Variants in PRKG1 observed in about 807,000 individuals in gnomAD.
PRKG1 encodes the protein cGMP-dependent protein kinase 1.
Under a neutral mutation model 88.1 loss-of-function variants are expected in PRKG1, and 35 were observed. The ratio of observed to expected loss-of-function variants is 0.40; its 90% CI spans 0.30 to 0.53. The LOEUF (loss-of-function observed/expected upper bound fraction) is 0.53, where lower values mean the gene tolerates loss of function less well. PRKG1 is among the 20% of genes least tolerant of loss of function. PRKG1 has a pLI of 0.59. For missense variants in PRKG1, 540 were observed against 839.8 expected (o/e 0.64, Z 4.41); for synonymous variants, 303 against 292.5 (o/e 1.04, Z -0.37).
At chr10:51,248,474 C>T (rs935765723) in intron 2 of PRKG1, among the ~76,000 whole-genome samples, 6 of 151,758 alleles carry the variant, frequency 4.0e-5, no homozygotes, top group African/African-American at 1.4e-4. Flanking sequence ...ATATTATATT[C>T]AACTTCACAT....
At chr10:51,445,187 T>C (rs1164057741) in intron 2 of PRKG1, among the ~76,000 whole-genome samples, 1 of 151,892 alleles carries the variant, frequency 6.6e-6, no homozygotes, top group Non-Finnish European at 1.5e-5. Context: ...GACTACCATA[T>C]AGGAGAGCAC....
At chr10:51,128,912 C>T (rs1451681436) in intron 1 of PRKG1, among the ~76,000 whole-genome samples, 2 of 152,070 alleles carry the variant, frequency 1.3e-5, no homozygotes, top group African/African-American at 4.8e-5. Context: ...ACAATGAAAA[C>T]AAATATATTT....
Position 52,159,613 on chromosome 10 carries a change from GTT to G in PRKG1, c.1002-2273_1002-2272del, listed in dbSNP as rs559637593. 4.0e-5 allele frequency among the ~76,000 whole-genome samples: 6 copies of G among 151,746 alleles called. No individual in the cohort carries two copies. The East Asian group carries it at 1.2e-3, about 29-fold the overall frequency. On this transcript the variant is annotated intron_variant, in intron 8 of 17. Coordinates refer to ENST00000373980, the MANE Select transcript of PRKG1 (RefSeq NM_006258.4). ...TATTTTCAAAATAATATTTTGTGGAGTTTTAATCTAGCTTAGTAGGTTGAACA... is the reference window on the plus strand; with the variant it reads ...TATTTTCAAAATAATATTTTGTGGAGTTAATCTAGCTTAGTAGGTTGAACA...
At chr10:51,425,895 G>A (rs950733017) in intron 2 of PRKG1, among the ~76,000 whole-genome samples, 10 of 152,266 alleles carry the variant, frequency 6.6e-5, no homozygotes, top group South Asian at 2.1e-4. Flanking sequence ...TGGCAATTCC[G>A]TAGGCTCTCA....
chr10:52,157,670 A>G (rs1838160398), intron 8 of PRKG1, among the ~76,000 whole-genome samples: 1 of 151,542 alleles, frequency 6.6e-6, no homozygotes, highest in African/African-American at 2.4e-5. Context: ...CTCTTAACTG[A>G]TATTCCTAAG....
intron 3 of PRKG1, among the ~76,000 whole-genome samples, chr10:51,626,988 A>G (rs937895206): frequency 1.3e-5 from 2 of 152,192 alleles, no homozygotes; most frequent in Non-Finnish European, 2.9e-5. Flanking sequence ...TACTGAAAGT[A>G]TGGAAATGAG....
chr10:51,725,875 G>C (rs1490413041), intron 3 of PRKG1, among the ~76,000 whole-genome samples: 1 of 152,172 alleles, frequency 6.6e-6, no homozygotes, highest in Non-Finnish European at 1.5e-5. Context: ...CTGACTTCAA[G>C]TGATCCACCT....
chr10:52,089,054 T>C (rs983099916), intron 7 of PRKG1, among the ~76,000 whole-genome samples: 2 of 152,214 alleles, frequency 1.3e-5, no homozygotes, highest in African/African-American at 4.8e-5. Context: ...TATTTTAAAA[T>C]ATCAAGTTTT....
intron 3 of PRKG1, among the ~76,000 whole-genome samples, chr10:51,489,821 C>T (rs1232003527): frequency 2.0e-5 from 3 of 152,184 alleles, no homozygotes; most frequent in Non-Finnish European, 2.9e-5. Flanking sequence ...AGGACATGAA[C>T]TGAAGAGCTG....
At chr10:51,420,273 G>T (rs998076096) in intron 2 of PRKG1, among the ~76,000 whole-genome samples, 2 of 152,120 alleles carry the variant, frequency 1.3e-5, no homozygotes, top group Non-Finnish European at 1.5e-5. Flanking sequence ...TATCTGAATA[G>T]ACCTCCTTCT....
intron 3 of PRKG1, among the ~76,000 whole-genome samples, chr10:51,719,789 G>A (rs529049269): frequency 3.5e-4 from 53 of 152,258 alleles, no homozygotes; most frequent in Non-Finnish European, 4.4e-4. Context: ...GAACTTTTCT[G>A]TAAATCTAAA....
At chr10:51,659,254 GT>G (rs1840236446) in intron 3 of PRKG1, among the ~76,000 whole-genome samples, 1 of 152,064 alleles carries the variant, frequency 6.6e-6, no homozygotes, top group Non-Finnish European at 1.5e-5. Context: ...AAATGACAAT[GT>G]TCCCTAAAAC....
intron 5 of PRKG1, among the ~76,000 whole-genome samples, chr10:52,010,677 T>A (rs1213591244): frequency 1.3e-5 from 2 of 152,162 alleles, no homozygotes; most frequent in African/African-American, 4.8e-5. Flanking sequence ...ATAATCCAGA[T>A]AAACCGACGG....
chr10:51,711,105 G>T (rs528029852), intron 3 of PRKG1, among the ~76,000 whole-genome samples: 1 of 152,080 alleles, frequency 6.6e-6, no homozygotes, highest in East Asian at 1.9e-4. Flanking sequence ...TTCCTAAGCT[G>T]ACCTTTTTAA....
At chr10:51,514,948 C>A (rs1049697144) in intron 3 of PRKG1, among the ~76,000 whole-genome samples, 1 of 152,096 alleles carries the variant, frequency 6.6e-6, no homozygotes, top group Non-Finnish European at 1.5e-5. Context: ...CTGTCCTGTG[C>A]ATTGTGGGAT....
intron 2 of PRKG1, among the ~76,000 whole-genome samples, chr10:51,416,167 G>A (rs1245945926): frequency 6.6e-6 from 1 of 152,028 alleles, no homozygotes; most frequent in Non-Finnish European, 1.5e-5. Flanking sequence ...TGTATTTAGT[G>A]GCAGAAGATG....
At chr10:52,015,575 T>C (rs372994121) in intron 5 of PRKG1, among the ~76,000 whole-genome samples, 5 of 152,378 alleles carry the variant, frequency 3.3e-5, no homozygotes, top group East Asian at 1.9e-4. Flanking sequence ...TCATTACTTA[T>C]GTAAATTTCT....
At chr10:51,934,003 G>A (rs143413256) in intron 5 of PRKG1, among the ~76,000 whole-genome samples, 335 of 152,200 alleles carry the variant, frequency 2.2e-3, no homozygotes, top group African/African-American at 7.4e-3. Flanking sequence ...TGAGTGAGCA[G>A]ATTATTTATG....
intron 1 of PRKG1, among the ~76,000 whole-genome samples, chr10:51,088,022 C>T (rs1844299295): frequency 6.6e-6 from 1 of 152,146 alleles, no homozygotes; most frequent in Non-Finnish European, 1.5e-5. Flanking sequence ...GCCTTGGCCT[C>T]CAAAAGTGCT....
Sources: allele counts gnomAD v4.1 joint callset (sites outside exome capture counted in the v4.1 genomes callset), GRCh38; gene constraint gnomAD v4.1.1; transcripts MANE v1.5; gene names NCBI Gene and HGNC (gene_info 2026-07-23, HGNC 2026-07-21).